GAS7: variants seen among roughly 807,000 people sequenced by gnomAD.
GAS7 encodes the protein growth arrest-specific protein 7.
GAS7 carries 28 observed loss-of-function variants against 71.1 expected under a neutral mutation model. The observed-to-expected ratio is 0.39, with a 90% confidence interval of 0.29 to 0.54. The LOEUF (loss-of-function observed/expected upper bound fraction) is 0.54, where lower values mean the gene tolerates loss of function less well. Ranked by LOEUF, GAS7 falls within the 20% of genes least tolerant of loss-of-function variation. The pLI is 0.62. For synonymous variants in GAS7, 258 were observed against 245.8 expected, an observed-to-expected ratio of 1.05 and a Z score of -0.46; for missense variants, 436 against 627.8, an observed-to-expected ratio of 0.69 and a Z score of 3.27.
At chr17:9,944,681 T>C (rs1229357130) in intron 6 of GAS7, among the ~76,000 whole-genome samples, 2 of 152,216 alleles carry the variant, frequency 1.3e-5, no homozygotes, top group South Asian at 2.1e-4. Flanking sequence ...CTAACATCCC[T>C]GATGACAGGG....
At chr17:10,014,440 T>C (rs1597689789) in intron 2 of GAS7, among the ~76,000 whole-genome samples, 1 of 152,196 alleles carries the variant, frequency 6.6e-6, no homozygotes, top group Admixed American at 6.5e-5. Context: ...AAATTTCCCA[T>C]GGATTCCCGC....
At chr17:9,975,191 C>T (rs1272600968) in intron 3 of GAS7, among the ~76,000 whole-genome samples, 1 of 152,094 alleles carries the variant, frequency 6.6e-6, no homozygotes, top group Non-Finnish European at 1.5e-5. Context: ...CCCATCTCTA[C>T]TAAAATACAA....
rs1597576775 is a variant in GAS7, at chr17:9,969,416, T to C, written c.471+261A>G. Among the ~76,000 whole-genome samples the C allele has an allele frequency of 6.6e-6, 1 of 152,206 alleles. No homozygotes were observed. Among genetic ancestry groups the C allele is most frequent in the East Asian group, 1.9e-4 (1 of 5,166 alleles). On this transcript the variant is annotated intron_variant, in intron 4 of 13. Transcript: ENST00000432992. The surrounding 1 kb of genome is among the most constrained non-coding windows in gnomAD (Gnocchi z 5.5). Reference sequence around the variant, plus strand: ...AGGAATCCAGACCAGAGAATGGAACTCTCTGTCCTAATGGTTTCAACCCCA... The same window carrying C: ...AGGAATCCAGACCAGAGAATGGAACCCTCTGTCCTAATGGTTTCAACCCCA...
chr17:10,121,075 C>T (rs942370242), intron 1 of GAS7, among the ~76,000 whole-genome samples: 4 of 152,196 alleles, frequency 2.6e-5, no homozygotes, highest in Non-Finnish European at 5.9e-5. Flanking sequence ...ATACAGCCGC[C>T]AGTGGTTAAG....
intron 1 of GAS7, among the ~76,000 whole-genome samples, chr17:10,148,478 C>T (rs1025905489): frequency 1.7e-4 from 25 of 149,970 alleles, no homozygotes; most frequent in Admixed American, 1.5e-3. Context: ...ATTAGCCAGG[C>T]GTGGTGGTGC....
At chr17:10,052,660 CCTCACGCA>C (rs1218880937) in intron 1 of GAS7, among the ~76,000 whole-genome samples, 1 of 152,202 alleles carries the variant, frequency 6.6e-6, no homozygotes, top group Non-Finnish European at 1.5e-5. Context: ...CCGTCCTCAC[CCTCACGCA>C]CTCACGCTCA....
chr17:9,984,246 CT>C (rs1409488946), intron 2 of GAS7, among the ~76,000 whole-genome samples: 2 of 152,100 alleles, frequency 1.3e-5, no homozygotes, highest in Non-Finnish European at 2.9e-5. Context: ...TCCTCTGATG[CT>C]TCATCCAAAA....
At chr17:9,984,268 C>T (rs889750858) in intron 2 of GAS7, among the ~76,000 whole-genome samples, 3 of 152,074 alleles carry the variant, frequency 2.0e-5, no homozygotes, top group Admixed American at 6.6e-5. Flanking sequence ...TAAAGAGGTT[C>T]GGCTACTTGG....
chr17:9,917,573 G>A (rs1288367642), intron 13 of GAS7, among the ~76,000 whole-genome samples: 1 of 152,232 alleles, frequency 6.6e-6, no homozygotes, highest in African/African-American at 2.4e-5. Context: ...AGGCCTGGAT[G>A]AGAGGCCAGG....
At chr17:9,958,564 G>A (rs2069341427) in intron 5 of GAS7, among the ~76,000 whole-genome samples, 1 of 151,988 alleles carries the variant, frequency 6.6e-6, no homozygotes, top group Non-Finnish European at 1.5e-5. Flanking sequence ...GTGCCCCTCA[G>A]GGGGCAATGA....
At chr17:10,062,659 C>G (rs2073232242) in intron 1 of GAS7, among the ~76,000 whole-genome samples, 1 of 152,182 alleles carries the variant, frequency 6.6e-6, no homozygotes, top group African/African-American at 2.4e-5. Flanking sequence ...TTTAAATATC[C>G]TGATGTGAAT....
intron 1 of GAS7, among the ~76,000 whole-genome samples, chr17:10,110,427 G>A (rs1462149910): frequency 6.6e-6 from 1 of 152,026 alleles, no homozygotes; most frequent in Non-Finnish European, 1.5e-5. Context: ...AGAGAGTTTG[G>A]TTAAGGGGTA....
intron 1 of GAS7, among the ~76,000 whole-genome samples, chr17:10,083,306 C>T (rs1428494156): frequency 6.6e-6 from 1 of 152,176 alleles, no homozygotes; most frequent in Non-Finnish European, 1.5e-5. Flanking sequence ...ATGGGTGGAT[C>T]ACTTGAGGTC....
At chr17:10,073,530 T>C (rs1422083397) in intron 1 of GAS7, among the ~76,000 whole-genome samples, 1 of 152,214 alleles carries the variant, frequency 6.6e-6, no homozygotes, top group Non-Finnish European at 1.5e-5. Flanking sequence ...ACGTGGTCCA[T>C]AGACCAGCAA....
chr17:10,080,537 A>G (rs1342767071), intron 1 of GAS7, among the ~76,000 whole-genome samples: 2 of 152,196 alleles, frequency 1.3e-5, no homozygotes, highest in Non-Finnish European at 1.5e-5. Context: ...TCTTTCTTGC[A>G]TAAGATCCAA....
Position 10,126,562 on chromosome 17 carries a change from GCA to G in GAS7, c.183+71644_183+71645del, listed in dbSNP as rs541031518. On this transcript the variant is annotated intron_variant, in intron 1 of 13. Coordinates refer to ENST00000432992, the MANE Select transcript of GAS7 (RefSeq NM_201433.2). Reference sequence around the variant, plus strand: ...ACAAAGAGCGCACACACGCAGACATGCACACACTCTCGAAAACACACACATTC... The same window carrying G: ...ACAAAGAGCGCACACACGCAGACATGCACACTCTCGAAAACACACACATTC... Among the ~76,000 whole-genome samples the G allele has an allele frequency of 1.4e-3, 207 of 143,970 alleles. 5 individuals are homozygous for G. In the South Asian group the frequency reaches 0.021, roughly 14 times the overall value. The allele number at this position is 143,970 out of a possible 152,430, so 94.4% of individuals were successfully genotyped here.
rs1051980006 is a variant in GAS7, at chr17:9,959,457, C to T, written c.472-202G>A. ...CCACGCCCAGCTCTCGGGCTGAAGG[C>T]GAATTAAGGAAGCCTCCTGCACAGG... is the stretch of plus-strand genomic sequence containing the variant. On this transcript the variant is annotated intron_variant, in intron 4 of 13. Coordinates refer to ENST00000432992, the MANE Select transcript of GAS7 (RefSeq NM_201433.2). The surrounding 1 kb of genome is among the most constrained non-coding windows in gnomAD (Gnocchi z 5.0). 7 of 1,428,444 alleles carry T rather than the reference C, an allele frequency of 4.9e-6. No individual in the cohort carries two copies. Among genetic ancestry groups the T allele is most frequent in the Non-Finnish European group, 6.4e-6 (7 of 1,093,870 alleles). 88.5% of individuals were successfully genotyped at this position (1,428,444 alleles called of 1,614,324 possible). A position where few individuals can be genotyped will look rare whatever the true frequency, so the allele number is the denominator to read the frequency against.
chr17:10,028,706 TA>T (rs903307821), intron 1 of GAS7, among the ~76,000 whole-genome samples: 1 of 143,344 alleles, frequency 7.0e-6, no homozygotes, highest in Non-Finnish European at 1.5e-5. Context: ...CAAAATGATA[TA>T]AAAAAGGAAC....
chr17:10,098,473 A>G (rs2073666681), intron 1 of GAS7, among the ~76,000 whole-genome samples: 1 of 152,230 alleles, frequency 6.6e-6, no homozygotes, highest in Admixed American at 6.5e-5. Context: ...GAGGTGGTTC[A>G]GGCTCCAAGC....
Sources: gnomAD v4.1 joint callset for allele counts (sites outside exome capture counted in the v4.1 genomes callset) on GRCh38, gnomAD v4.1.1 for gene constraint, Gnocchi (gnomAD v3.1) non-coding constraint, MANE v1.5 for transcripts, NCBI Gene and HGNC (gene_info 2026-07-23, HGNC 2026-07-21) for gene names.